GSTA2: variants seen among roughly 807,000 people sequenced by gnomAD.
The protein encoded by GSTA2 is glutathione S-transferase A2.
Under a neutral mutation model 22.4 loss-of-function variants are expected in GSTA2, and 27 were observed. That is an observed-to-expected ratio of 1.21 (90% CI 0.89 to 1.67). The LOEUF is 1.67. Ranked by LOEUF, GSTA2 falls within the 40% of genes most tolerant of loss-of-function variation. The pLI is 0.00. For synonymous variants in GSTA2, 121 were observed against 86.8 expected, an observed-to-expected ratio of 1.39 and a Z score of -2.19; for missense variants, 302 against 260.2, an observed-to-expected ratio of 1.16 and a Z score of -1.11.
Position 52,756,433 on chromosome 6 carries a change from C to T in GSTA2, c.88-124G>A. 4.0e-6 allele frequency: 3 copies of T among 755,864 alleles called. No individual in the cohort carries two copies. In the South Asian group the frequency reaches 4.9e-5, roughly 12 times the overall value. The allele number at this position is 755,864 out of a possible 1,614,324, so 46.8% of individuals were successfully genotyped here. The stretch of plus-strand genomic sequence containing the variant: ...AGATTTCTGAGTTTGGCAGGGTACA[C>T]AGAGGGGGCTAGTCATGGCCATTTG... On this transcript the variant is annotated intron_variant, in intron 2 of 6. Transcript: ENST00000493422.
At chr6:52,755,516 AAT>A (rs1299979858) in intron 3 of GSTA2, among the ~76,000 whole-genome samples, 2 of 152,182 alleles carry the variant, frequency 1.3e-5, no homozygotes, top group African/African-American at 4.8e-5. Context: ...CAGTCCAAAC[AAT>A]ATGTTTATAA....
chr6:52,751,722 G>A lies in GSTA2; in HGVS notation c.415-14C>T, dbSNP rs766924207. On this transcript the variant is annotated splice_polypyrimidine_tract_variant and intron_variant, in intron 5 of 6. Transcript: ENST00000493422. ...GCTCTTTAAGACCTGGAGAATGGGAGGAATCAGATCAGGAACACATGCCCA... is the reference window on the plus strand; with the variant it reads ...GCTCTTTAAGACCTGGAGAATGGGAAGAATCAGATCAGGAACACATGCCCA... 1 of 1,614,074 alleles carries A rather than the reference G, an allele frequency of 6.2e-7. No individual in the cohort carries two copies. Among genetic ancestry groups the A allele is most frequent in the Non-Finnish European group, 8.5e-7 (1 of 1,179,942 alleles).
At chr6:52,751,221 G>A (rs574090601) in intron 6 of GSTA2, among the ~76,000 whole-genome samples, 12 of 152,266 alleles carry the variant, frequency 7.9e-5, no homozygotes, top group African/African-American at 2.2e-4. Context: ...GATGGAAAGG[G>A]CTCTGCTCAG....
rs1346281123 is a variant in GSTA2 at position 52,750,625 on chromosome 6, G to A, written c.621C>T (p.Pro207=). 6.2e-7 allele frequency: 1 copy of A among 1,613,778 alleles called. No homozygotes were observed. The highest frequency in any genetic ancestry group is 1.7e-5 in the Admixed American group (1 of 60,022). Residue 207 remains proline (P), a synonymous_variant, in exon 7 of 7, where the codon CCC becomes CCT. Coordinates refer to ENST00000493422, the MANE Select transcript of GSTA2 (RefSeq NM_000846.5). ...FLQPGSPRKP[P]MDEKSLEESR... ...ATTCTTCTAAAGATTTCTCATCCAT[G>A]GGAGGCTTCCTTGGGCTGCCAGGCT...
chr6:52,762,972 C>T (rs1762976708), intron 1 of GSTA2, among the ~76,000 whole-genome samples: 1 of 152,182 alleles, frequency 6.6e-6, no homozygotes. Flanking sequence ...GGCAGAGGCT[C>T]AACTAGAATC....
At chr6:52,752,281 CTA>C (rs2127285062) in intron 5 of GSTA2, among the ~76,000 whole-genome samples, 1 of 152,284 alleles carries the variant, frequency 6.6e-6, no homozygotes, top group African/African-American at 2.4e-5. Context: ...CTAAATGGCA[CTA>C]TGTTATAATC....
intron 3 of GSTA2, among the ~76,000 whole-genome samples, chr6:52,755,422 C>T (rs78807802): frequency 0.018 from 2,716 of 152,156 alleles, 87 homozygotes; most frequent in African/African-American, 0.061. Context: ...CCATGTTGGC[C>T]AAACTGGTCT....
At chr6:52,761,169 T>C (rs991030633) in intron 1 of GSTA2, among the ~76,000 whole-genome samples, 1 of 152,196 alleles carries the variant, frequency 6.6e-6, no homozygotes, top group Non-Finnish European at 1.5e-5. Context: ...AATGAGATAA[T>C]GTAGAAAAAA....
intron 2 of GSTA2, among the ~76,000 whole-genome samples, chr6:52,756,608 A>G (rs140192653): frequency 0.018 from 2,719 of 152,338 alleles, 87 homozygotes; most frequent in African/African-American, 0.061. Context: ...GGCACTGAGC[A>G]GTTCTTCTAG....
At chr6:52,756,791 G>T (rs915609150) in intron 2 of GSTA2, among the ~76,000 whole-genome samples, 6 of 152,252 alleles carry the variant, frequency 3.9e-5, no homozygotes, top group Non-Finnish European at 8.8e-5. Context: ...CCTGCTAAGG[G>T]TGACATAGGT....
At chr6:52,751,792 C>T (rs1447384011) in intron 5 of GSTA2, 84 bp from the exon 6 acceptor site, 32 of 1,595,508 alleles carry the variant, frequency 2.0e-5, no homozygotes, top group Non-Finnish European at 2.7e-5. Flanking sequence ...TCCACCCTGA[C>T]TTTCCCCACC....
intron 1 of GSTA2, among the ~76,000 whole-genome samples, chr6:52,759,586 T>G (rs1230145643): frequency 6.9e-4 from 87 of 126,414 alleles, no homozygotes; most frequent in African/African-American, 2.6e-3. Context: ...TTTTTTTTTT[T>G]TTTTTTTTTT....
intron 2 of GSTA2, 140 bp downstream of exon 2, chr6:52,757,721 G>C: frequency 1.3e-6 from 1 of 744,834 alleles, no homozygotes; most frequent in South Asian, 1.6e-5. Flanking sequence ...GGTCAAATCT[G>C]TTCATCTTTT....
intron 5 of GSTA2, among the ~76,000 whole-genome samples, chr6:52,752,143 G>A (rs1396705009): frequency 6.6e-6 from 1 of 152,196 alleles, no homozygotes; most frequent in East Asian, 1.9e-4. Context: ...CCCCCAGAAG[G>A]AGACTATTTC....
rs527479150 is a variant in GSTA2 at position 52,754,988 on chromosome 6, G to A, written c.227C>T (p.Ala76Val). The A allele has an allele frequency of 2.0e-5, 33 of 1,613,934 alleles. 1 individual carries two copies. Among genetic ancestry groups the A allele is most frequent in the South Asian group, 3.3e-5 (3 of 91,066 alleles). The change falls in exon 4 of 7, where the codon GCC becomes GTC. Residue 76 changes from alanine (A) to valine (V), a missense_variant. Coordinates refer to ENST00000493422, the MANE Select transcript of GSTA2 (RefSeq NM_000846.5). ...TTTCCCATAGAGGTTGTATTTGCTG[G>A]CAATGTAGTTGAGAATGGCTCTGGT... The part of the protein sequence containing the change: ...VQTRAILNYI[A>V]SKYNLYGKDI...
At chr6:52,751,980 A>T (rs995350360) in intron 5 of GSTA2, among the ~76,000 whole-genome samples, 2 of 152,116 alleles carry the variant, frequency 1.3e-5, no homozygotes, top group East Asian at 3.9e-4. Flanking sequence ...CTTCTTCCAC[A>T]TGGGCCAAGG....
chr6:52,753,465 C>CCT (rs1274864063), intron 4 of GSTA2, among the ~76,000 whole-genome samples: 1 of 152,130 alleles, frequency 6.6e-6, no homozygotes, highest in African/African-American at 2.4e-5. Flanking sequence ...TATTCCTTGT[C>CCT]CTCTCTCATC....
At chr6:52,761,913 C>A (rs1762957114) in intron 1 of GSTA2, among the ~76,000 whole-genome samples, 2 of 150,730 alleles carry the variant, frequency 1.3e-5, no homozygotes, top group Non-Finnish European at 2.9e-5. Flanking sequence ...TTGTTCTGTA[C>A]TAAGAGAAAT....
At chr6:52,753,047 T>C (rs775092149) in intron 4 of GSTA2, 52 bp from the exon 5 acceptor site, 2 of 1,530,696 alleles carry the variant, frequency 1.3e-6, no homozygotes, top group Middle Eastern at 1.8e-4. Flanking sequence ...TTAGATTTTA[T>C]AGGTTTATAA....
Sources: gnomAD v4.1 joint callset for allele counts (sites outside exome capture counted in the v4.1 genomes callset) on GRCh38, gnomAD v4.1.1 for gene constraint, MANE v1.5 for transcripts, NCBI Gene and HGNC (gene_info 2026-07-23, HGNC 2026-07-21) for gene names.